Variants in SSUH2 observed in about 807,000 individuals in gnomAD.
SSUH2 encodes ssu-2 homolog.
SSUH2 carries 47 observed loss-of-function variants against 55.3 expected under a neutral mutation model. That is an observed-to-expected ratio of 0.85 (90% CI 0.67 to 1.08). SSUH2 has a LOEUF of 1.08. Ranked by LOEUF, SSUH2 falls within the 50% of genes least tolerant of loss-of-function variation. SSUH2 has a pLI of 0.00. For missense variants in SSUH2, 535 were observed against 490.7 expected (o/e 1.09, Z -0.85); for synonymous variants, 212 against 191.5 (o/e 1.11, Z -0.89).
chr3:8,633,727 TAGCA>T lies in SSUH2; in HGVS notation c.274_277del (p.Cys92ThrfsTer14). On this transcript the variant is annotated frameshift_variant, in exon 4 of 12. Transcript: ENST00000544814. LOFTEE classifies it high-confidence loss of function. ...GAGGTCTCCAGCCACCGTGCTGCTG[TAGCA>T]GCACTTAGAGTCCACAAAGCTGAGG... 6.3e-7 allele frequency: 1 copy of T among 1,587,762 alleles called. No individual in the cohort carries two copies.
upstream of SSUH2, among the ~76,000 whole-genome samples, chr3:8,645,563 CCA>C (rs971932548): frequency 2.6e-5 from 4 of 152,228 alleles, no homozygotes; most frequent in Admixed American, 2.6e-4. Flanking sequence ...TCTATGGGTC[CCA>C]CCCCCTCCAC....
Position 8,680,689 on chromosome 3 carries a change from AT to A in SSUH2, c.-1045-841del, listed in dbSNP as rs1018391287. Among the ~76,000 whole-genome samples the A allele has an allele frequency of 6.1e-4, 93 of 152,064 alleles. No homozygotes were observed. The Middle Eastern group carries it at 0.01, about 17-fold the overall frequency. On this transcript the variant is annotated intron_variant, in intron 1 of 18. Transcript: ENST00000317371. Reference sequence around the variant, plus strand: ...TGGGGGTTTCCACTTTCTGCCATACATGAAGTCATATCACCCCCTCCGCCTT... The same window carrying A: ...TGGGGGTTTCCACTTTCTGCCATACAGAAGTCATATCACCCCCTCCGCCTT...
chr3:8,620,522 A>G (rs1214122029), intron 11 of SSUH2, among the ~76,000 whole-genome samples: 3 of 152,158 alleles, frequency 2.0e-5, no homozygotes, highest in Non-Finnish European at 4.4e-5. Context: ...CCCTGCTACA[A>G]TCTGCCTTCA....
At chr3:8,626,022 T>C (rs547885058) in intron 9 of SSUH2, among the ~76,000 whole-genome samples, 1 of 152,164 alleles carries the variant, frequency 6.6e-6, no homozygotes, top group African/African-American at 2.4e-5. Context: ...ATGGCAGAAT[T>C]TGGACTGAGG....
intron 7 of SSUH2, among the ~76,000 whole-genome samples, chr3:8,650,714 G>A (rs1022737679): frequency 1.3e-5 from 2 of 152,198 alleles, no homozygotes; most frequent in African/African-American, 2.4e-5. Context: ...ATGCTTCCCT[G>A]GAAGCTGGGA....
At chr3:8,664,289 T>C (rs181082882) in intron 5 of SSUH2, among the ~76,000 whole-genome samples, 9 of 152,364 alleles carry the variant, frequency 5.9e-5, no homozygotes, top group Admixed American at 2.0e-4. Flanking sequence ...TCCTTGTCCA[T>C]TGGGATCAGG....
Position 8,663,803 on chromosome 3 carries a change from C to T in SSUH2, c.-454-1G>A, listed in dbSNP as rs757726271. ...GGTACCACAGGGGACACACAGGTAA[C>T]TGTAGAAGGCACACAGATAAATTTA... On this transcript the variant is annotated splice_acceptor_variant, in intron 5 of 18. Transcript: ENST00000317371. LOFTEE classifies it low-confidence loss of function (5UTR_SPLICE). 5 of 456,622 alleles carry T rather than the reference C, an allele frequency of 1.1e-5. No individual in the cohort carries two copies. The highest frequency in any genetic ancestry group is 4.6e-5 in the South Asian group (3 of 64,574). 28.3% of individuals were successfully genotyped at this position (456,622 alleles called of 1,614,324 possible).
At chr3:8,638,999 C>T (rs374577285) in intron 1 of SSUH2, among the ~76,000 whole-genome samples, 4 of 152,232 alleles carry the variant, frequency 2.6e-5, no homozygotes, top group South Asian at 2.1e-4. Context: ...ATTCCTCAAC[C>T]AGGAGCCACC....
At position 8,635,458 on chromosome 3, in the gene SSUH2, C is replaced by A. The variant is rs150771837; in HGVS notation, c.128-77G>T. The A allele has an allele frequency of 3.8e-5, 41 of 1,084,546 alleles. No homozygotes were observed. The Middle Eastern group carries it at 1.2e-3, about 32-fold the overall frequency. The allele number at this position is 1,084,546 out of a possible 1,614,324, so 67.2% of individuals were successfully genotyped here. On this transcript the variant is annotated intron_variant, in intron 2 of 11. Coordinates refer to ENST00000544814, the MANE Select transcript of SSUH2 (RefSeq NM_001256748.3). ...ATTTGTGTGGTGGAAGAAGGAAAGACTGATTGAATGTGAGAAAGAACAGAT... is the reference window on the plus strand; with the variant it reads ...ATTTGTGTGGTGGAAGAAGGAAAGAATGATTGAATGTGAGAAAGAACAGAT...
At chr3:8,639,867 G>T (rs773156960) in intron 1 of SSUH2, 66 of 785,158 alleles carry the variant, frequency 8.4e-5, no homozygotes, top group Non-Finnish European at 1.0e-4. Context: ...TCTCGTATAA[G>T]AAAGGAATGG....
chr3:8,634,428 A>G (rs1699543641), intron 3 of SSUH2: 1 of 1,290,334 alleles, frequency 7.7e-7, no homozygotes, highest in Non-Finnish European at 1.0e-6. Context: ...CACCTCCAAG[A>G]GGAAAGAATC....
intron 6 of SSUH2, among the ~76,000 whole-genome samples, chr3:8,661,994 G>A (rs944773729): frequency 5.3e-5 from 8 of 152,078 alleles, no homozygotes; most frequent in South Asian, 2.1e-4. Flanking sequence ...CATGTAAAAC[G>A]TGCCTTTTGC....
At chr3:8,657,668 G>A (rs995742761) in intron 7 of SSUH2, among the ~76,000 whole-genome samples, 37 of 152,156 alleles carry the variant, frequency 2.4e-4, no homozygotes, top group African/African-American at 6.5e-4. Flanking sequence ...GCTGACTACC[G>A]AAATTATGCT....
intron 4 of SSUH2, among the ~76,000 whole-genome samples, chr3:8,671,333 C>T (rs1195296065): frequency 2.6e-5 from 4 of 152,064 alleles, no homozygotes; most frequent in Non-Finnish European, 5.9e-5. Flanking sequence ...CATTAAGAGT[C>T]ACATTTCCCT....
chr3:8,658,879 G>C (rs1039913946), intron 7 of SSUH2: 47 of 151,784 alleles, frequency 3.1e-4, no homozygotes, highest in African/African-American at 1.1e-3. Flanking sequence ...CATAATAAAG[G>C]CTATAGTAGT....
chr3:8,620,659 G>A (rs564485152), intron 11 of SSUH2, among the ~76,000 whole-genome samples: 1 of 152,322 alleles, frequency 6.6e-6, no homozygotes, highest in South Asian at 2.1e-4. Context: ...GGCATCCCCA[G>A]GGGAGTTCCA....
chr3:8,623,453 A>G (rs769787874), intron 11 of SSUH2, 96 bp downstream of exon 11: 12 of 805,714 alleles, frequency 1.5e-5, no homozygotes, highest in Non-Finnish European at 2.1e-5. Context: ...CCTCACCTCT[A>G]CGTCCTCATC....
At chr3:8,633,545 A>C in intron 4 of SSUH2, 121 bp downstream of exon 4, 1 of 756,020 alleles carries the variant, frequency 1.3e-6, no homozygotes, top group Non-Finnish European at 2.0e-6. Context: ...CTCACACTCA[A>C]ACACACTGCC....
chr3:8,648,690 C>T (rs367909404), upstream of SSUH2, among the ~76,000 whole-genome samples: 17 of 152,270 alleles, frequency 1.1e-4, 1 homozygote, highest in Admixed American at 4.6e-4. Flanking sequence ...CCACAGTGCC[C>T]CTTCCCTCAT....
Sources: gnomAD v4.1 joint callset for allele counts (sites outside exome capture counted in the v4.1 genomes callset) on GRCh38, gnomAD v4.1.1 for gene constraint, MANE v1.5 for transcripts, NCBI Gene and HGNC (gene_info 2026-07-23, HGNC 2026-07-21) for gene names.